DIPK1A: variants seen among roughly 807,000 people sequenced by gnomAD.
DIPK1A encodes the protein family with sequence similarity 69 member A.
In DIPK1A, 27 loss-of-function variants were observed where a neutral mutation model predicts 40.8. The observed-to-expected ratio is 0.66, with a 90% CI of 0.49 to 0.91. The LOEUF (loss-of-function observed/expected upper bound fraction) is 0.91, where lower values mean the gene tolerates loss of function less well. DIPK1A is among the 40% of genes least tolerant of loss of function. DIPK1A has a pLI of 0.00. For missense variants in DIPK1A, 412 were observed against 505.7 expected (o/e 0.81, Z 1.78); for synonymous variants, 166 against 171.3 (o/e 0.97, Z 0.24).
intron 1 of DIPK1A, among the ~76,000 whole-genome samples, chr1:92,955,871 G>A (rs1397170429): frequency 6.6e-6 from 1 of 151,860 alleles, no homozygotes; most frequent in Non-Finnish European, 1.5e-5. Context: ...TGGGACCACT[G>A]TCTCTTAAAA....
At position 92,948,272 on chromosome 1, in the gene DIPK1A, G is replaced by C. The variant is rs182275535; in HGVS notation, c.54+13104C>G. ...GTAGGGTAGACATGTTGACACATGA[G>C]ACAGCATGTTGTCTGGAAAACTGGA... On this transcript the variant is annotated intron_variant, in intron 1 of 4. Transcript: ENST00000370310. Among the ~76,000 whole-genome samples, 597 of 152,254 alleles carry C rather than the reference G, an allele frequency of 3.9e-3. 4 individuals carry two copies. Among genetic ancestry groups the C allele is most frequent in the African/African-American group, 0.014 (576 of 41,522 alleles).
downstream of DIPK1A, chr1:92,840,729 G>A (rs377581206): frequency 7.6e-6 from 7 of 922,260 alleles, no homozygotes; most frequent in South Asian, 2.6e-5. Context: ...GTGCAAACTC[G>A]ATCACTAGCT....
At chr1:92,894,961 T>C (rs574906205) in intron 1 of DIPK1A, among the ~76,000 whole-genome samples, 84 of 152,140 alleles carry the variant, frequency 5.5e-4, no homozygotes, top group African/African-American at 1.8e-3. Flanking sequence ...CAGAAAGAAG[T>C]TGAATCCCTG....
intron 1 of DIPK1A, among the ~76,000 whole-genome samples, chr1:92,904,207 T>C (rs1392274542): frequency 8.5e-5 from 13 of 152,172 alleles, no homozygotes; most frequent in Non-Finnish European, 1.9e-4. Context: ...TACAAAGAAA[T>C]TGCACTGAGA....
chr1:92,841,626 T>C (rs1228955666), downstream of DIPK1A: 2 of 513,210 alleles, frequency 3.9e-6, no homozygotes, highest in Non-Finnish European at 6.5e-6. Context: ...AGTAAATGTA[T>C]TTGAACTTGG....
At chr1:92,889,007 GC>G (rs1302619934) in intron 1 of DIPK1A, among the ~76,000 whole-genome samples, 1 of 152,084 alleles carries the variant, frequency 6.6e-6, no homozygotes, top group East Asian at 1.9e-4. Flanking sequence ...CTGTGCAGAA[GC>G]TTTTTTGTTT....
chr1:92,945,137 G>A (rs1033868358), intron 1 of DIPK1A, among the ~76,000 whole-genome samples: 4 of 151,934 alleles, frequency 2.6e-5, no homozygotes, highest in South Asian at 2.1e-4. Flanking sequence ...CCATGGGAAC[G>A]CAAGCATGGA....
intron 1 of DIPK1A, among the ~76,000 whole-genome samples, chr1:92,911,121 ATGCTATGG>A (rs1649810042): frequency 6.6e-6 from 1 of 152,200 alleles, no homozygotes; most frequent in East Asian, 1.9e-4. Flanking sequence ...AAGTTGTTGT[ATGCTATGG>A]TCTGAGTGTC....
chr1:92,891,248 G>T (rs939902564), intron 1 of DIPK1A, among the ~76,000 whole-genome samples: 1 of 148,998 alleles, frequency 6.7e-6, no homozygotes. Context: ...TACCAATTTT[G>T]TTTGTCTTTT....
At chr1:92,938,091 G>A (rs966931510) in intron 1 of DIPK1A, among the ~76,000 whole-genome samples, 1 of 152,192 alleles carries the variant, frequency 6.6e-6, no homozygotes, top group Non-Finnish European at 1.5e-5. Context: ...GGGCAACGTG[G>A]TGAAACCTTG....
At chr1:92,916,306 T>C (rs182581429) in intron 1 of DIPK1A, among the ~76,000 whole-genome samples, 9 of 150,788 alleles carry the variant, frequency 6.0e-5, no homozygotes, top group Non-Finnish European at 1.5e-5. Context: ...TTTTTTCTTT[T>C]TTTTTTTTTT....
intron 1 of DIPK1A, among the ~76,000 whole-genome samples, chr1:92,905,892 A>G (rs1186176061): frequency 1.3e-5 from 2 of 152,030 alleles, no homozygotes; most frequent in African/African-American, 2.4e-5. Context: ...CCTTTCCCCA[A>G]TGTATATTCT....
At position 92,916,597 on chromosome 1, in the gene DIPK1A, C is replaced by T. The variant is rs1650064453; in HGVS notation, c.55-40167G>A. 5.3e-5 allele frequency among the ~76,000 whole-genome samples: 8 copies of T among 152,212 alleles called. 1 individual carries two copies. Among genetic ancestry groups the T allele is most frequent in the Admixed American group, 4.6e-4 (7 of 15,286 alleles). On this transcript the variant is annotated intron_variant, in intron 1 of 4. Transcript: ENST00000370310. ...GATTACAGGCATGAGCCACTGCACC[C>T]GGCCAATCCATCTTTTGTAATATGA...
intron 2 of DIPK1A, among the ~76,000 whole-genome samples, chr1:92,865,844 G>A (rs1647509955): frequency 6.6e-6 from 1 of 152,116 alleles, no homozygotes; most frequent in Admixed American, 6.5e-5. Context: ...GATTTCCAAT[G>A]TTGAAACGAT....
intron 2 of DIPK1A, among the ~76,000 whole-genome samples, chr1:92,869,007 A>G (rs1219616899): frequency 6.7e-6 from 1 of 150,366 alleles, no homozygotes; most frequent in Non-Finnish European, 1.5e-5. Flanking sequence ...CTTGCTTACC[A>G]CAATATCCCT....
chr1:92,859,768 AT>A (rs1321745364), intron 2 of DIPK1A, among the ~76,000 whole-genome samples: 2 of 152,206 alleles, frequency 1.3e-5, no homozygotes, highest in Non-Finnish European at 2.9e-5. Flanking sequence ...CAGTGGCATG[AT>A]CACAGCTCAC....
At chr1:92,873,638 T>C (rs1367987066) in intron 2 of DIPK1A, among the ~76,000 whole-genome samples, 1 of 151,628 alleles carries the variant, frequency 6.6e-6, no homozygotes. Context: ...AAAAATCTTA[T>C]CCTCTCCCAG....
At chr1:92,838,970 C>T (rs1445242252), downstream of DIPK1A, among the ~76,000 whole-genome samples, 9 of 150,628 alleles carry the variant, frequency 6.0e-5, no homozygotes, top group African/African-American at 2.2e-4. Flanking sequence ...TTTTAGAGAC[C>T]TGGATTACTG....
Position 92,859,742 on chromosome 1 carries a change from G to A in DIPK1A, c.190-8787C>T, listed in dbSNP as rs867115052. Among the ~76,000 whole-genome samples, 5 of 152,082 alleles carry A rather than the reference G, an allele frequency of 3.3e-5. No individual in the cohort carries two copies. In the South Asian group the frequency reaches 6.2e-4, roughly 19 times the overall value. The stretch of plus-strand genomic sequence containing the variant: ...TCTCGAGACAGGGTCTCACTCTGTC[G>A]CCCAGGCTGGAAGTGCAGTGGCATG... On this transcript the variant is annotated intron_variant, in intron 2 of 4. Coordinates refer to ENST00000370310, the MANE Select transcript of DIPK1A (RefSeq NM_001006605.5).
Sources: gnomAD v4.1 joint callset for allele counts (sites outside exome capture counted in the v4.1 genomes callset) on GRCh38, gnomAD v4.1.1 for gene constraint, MANE v1.5 for transcripts, NCBI Gene and HGNC (gene_info 2026-07-23, HGNC 2026-07-21) for gene names.